The following NOX4 variants were observed in gnomAD, a reference collection of about 807,000 sequenced individuals.
The protein encoded by NOX4 is NADPH oxidase 4.
A neutral mutation model predicts 87.6 loss-of-function variants in NOX4; 69 were observed. The observed-to-expected ratio is 0.79, with a 90% CI of 0.65 to 0.96. The LOEUF (loss-of-function observed/expected upper bound fraction) is 0.96. Ranked by LOEUF, NOX4 falls within the 40% of genes least tolerant of loss-of-function variation. NOX4 has a pLI of 0.00. For synonymous variants in NOX4, 275 were observed against 238.2 expected, an observed-to-expected ratio of 1.15 and a Z score of -1.42; for missense variants, 680 against 681.5, an observed-to-expected ratio of 1.00 and a Z score of 0.02.
chr11:89,495,734 T>G (rs1946940748), upstream of NOX4, among the ~76,000 whole-genome samples: 1 of 152,154 alleles, frequency 6.6e-6, no homozygotes, highest in Admixed American at 6.5e-5. Context: ...TGTTTGGGAC[T>G]CCTAGTTAGC....
At chr11:89,329,916 T>C (rs570393206) in intron 17 of NOX4, among the ~76,000 whole-genome samples, 75 of 151,976 alleles carry the variant, frequency 4.9e-4, no homozygotes, top group Non-Finnish European at 9.1e-4. Flanking sequence ...TAAAATTAGA[T>C]AGAAATTTGA....
chr11:89,550,050 T>C, the NOX4 span, among the ~76,000 whole-genome samples: 1 of 152,206 alleles, frequency 6.6e-6, no homozygotes, highest in Non-Finnish European at 1.5e-5. Flanking sequence ...TATTTCTTTT[T>C]CTAGATCCTT....
chr11:89,478,622 A>G (rs1339663254), intron 2 of NOX4, among the ~76,000 whole-genome samples: 1 of 152,158 alleles, frequency 6.6e-6, no homozygotes, highest in African/African-American at 2.4e-5. Flanking sequence ...TAACTTTCAT[A>G]TACCTAAAAT....
At chr11:89,459,517 C>CA (rs1945355800) in intron 2 of NOX4, among the ~76,000 whole-genome samples, 2 of 151,860 alleles carry the variant, frequency 1.3e-5, no homozygotes, top group African/African-American at 2.4e-5. Flanking sequence ...ACACCAATAA[C>CA]GACAAACAGA....
chr11:89,337,911 T>A (rs1487925663), intron 15 of NOX4, among the ~76,000 whole-genome samples: 2 of 152,012 alleles, frequency 1.3e-5, no homozygotes, highest in Non-Finnish European at 2.9e-5. Context: ...AAGACAATAG[T>A]GATTTAATTT....
the NOX4 span, among the ~76,000 whole-genome samples, chr11:89,579,326 T>C: frequency 6.6e-6 from 1 of 152,204 alleles, no homozygotes; most frequent in Non-Finnish European, 1.5e-5. Flanking sequence ...ATGGTGTGTC[T>C]GTGTATGTTC....
At chr11:89,549,684 C>T in the NOX4 span, among the ~76,000 whole-genome samples, 2 of 152,116 alleles carry the variant, frequency 1.3e-5, no homozygotes, top group Admixed American at 1.3e-4. Flanking sequence ...TGTTCCCCTC[C>T]CTGTGTCTAT....
intron 11 of NOX4, among the ~76,000 whole-genome samples, chr11:89,383,797 A>G (rs897036815): frequency 6.6e-6 from 1 of 152,134 alleles, no homozygotes; most frequent in Non-Finnish European, 1.5e-5. Flanking sequence ...GGCTATAGCC[A>G]CACCTCACTG....
At chr11:89,585,039 G>A in the NOX4 span, among the ~76,000 whole-genome samples, 1 of 152,024 alleles carries the variant, frequency 6.6e-6, no homozygotes, top group African/African-American at 2.4e-5. Context: ...CCCAACCAGG[G>A]CCTCACCATT....
chr11:89,431,647 T>C (rs1943789451), intron 7 of NOX4, among the ~76,000 whole-genome samples: 2 of 152,058 alleles, frequency 1.3e-5, no homozygotes, highest in South Asian at 4.1e-4. Context: ...AAAACCACAA[T>C]GAGATACCAT....
intron 13 of NOX4, 132 bp from the exon 14 acceptor site, chr11:89,342,325 A>G: frequency 1.4e-6 from 1 of 697,030 alleles, no homozygotes; most frequent in South Asian, 2.0e-5. Context: ...ATGGTTTCTC[A>G]TAGTGATTAG....
At position 89,352,100 on chromosome 11, in the gene NOX4, C is replaced by T. The variant is rs368739287; in HGVS notation, c.1217+2862G>A. Reference sequence around the variant, plus strand: ...AGTATGGAATGATAGACAGTGGAGACTTGAAAGGTTGCAGGGGGGCTAGGA... The same window carrying T: ...AGTATGGAATGATAGACAGTGGAGATTTGAAAGGTTGCAGGGGGGCTAGGA... On this transcript the variant is annotated intron_variant, in intron 13 of 17. Coordinates refer to ENST00000263317, the MANE Select transcript of NOX4 (RefSeq NM_016931.5). 7.2e-5 allele frequency among the ~76,000 whole-genome samples: 11 copies of T among 152,070 alleles called. 1 individual carries two copies. Among genetic ancestry groups the T allele is most frequent in the African/African-American group, 2.7e-4 (11 of 41,402 alleles).
At chr11:89,544,545 C>T in the NOX4 span, among the ~76,000 whole-genome samples, 144 of 152,258 alleles carry the variant, frequency 9.5e-4, 2 homozygotes, top group Middle Eastern at 0.01. Flanking sequence ...AGCATTGTAT[C>T]TTAACATACT....
At chr11:89,517,053 C>T in the NOX4 span, among the ~76,000 whole-genome samples, 3 of 151,996 alleles carry the variant, frequency 2.0e-5, no homozygotes, top group Admixed American at 6.6e-5. Context: ...TTTTAATATT[C>T]GGTTCAATGC....
the NOX4 span, among the ~76,000 whole-genome samples, chr11:89,504,993 T>C: frequency 2.6e-5 from 4 of 151,976 alleles, no homozygotes; most frequent in Non-Finnish European, 5.9e-5. Flanking sequence ...CCACCTTGCC[T>C]TCTAGCCCCA....
chr11:89,528,717 G>A, the NOX4 span, among the ~76,000 whole-genome samples: 1,166 of 152,190 alleles, frequency 7.7e-3, 9 homozygotes, highest in Admixed American at 0.014. Flanking sequence ...CAGCCATGCC[G>A]AACTGTGAGT....
In NOX4 at chr11:89,482,323, G is replaced by A. The variant is rs188276504; in HGVS notation, c.153+8135C>T. ...TCAAAATGCATGCTTAGCTTCCAGA[G>A]GAAGACTGACAAAGTTGGTATTTGT... is the stretch of plus-strand genomic sequence containing the variant. On this transcript the variant is annotated intron_variant, in intron 2 of 17. Transcript: ENST00000263317. 9.2e-5 allele frequency among the ~76,000 whole-genome samples: 14 copies of A among 152,166 alleles called. 1 individual carries two copies. The highest frequency in any genetic ancestry group is 3.4e-3 in the Middle Eastern group (1 of 294).
chr11:89,582,242 A>T, the NOX4 span, among the ~76,000 whole-genome samples: 3,210 of 152,152 alleles, frequency 0.021, 96 homozygotes, highest in African/African-American at 0.066. Context: ...TATACATGTA[A>T]ACACACACTA....
At chr11:89,352,625 C>G (rs928520994) in intron 13 of NOX4, among the ~76,000 whole-genome samples, 1 of 152,134 alleles carries the variant, frequency 6.6e-6, no homozygotes, top group African/African-American at 2.4e-5. Context: ...TCATGGATAA[C>G]TTTCAGGCGT....
Sources: allele counts gnomAD v4.1 joint callset (sites outside exome capture counted in the v4.1 genomes callset), GRCh38; gene constraint gnomAD v4.1.1; transcripts MANE v1.5; gene names NCBI Gene and HGNC (gene_info 2026-07-23, HGNC 2026-07-21).